The following RPS6KC1 variants were observed in gnomAD, a reference collection of about 807,000 sequenced individuals.
The protein encoded by RPS6KC1 is ribosomal protein S6 kinase C1.
RPS6KC1 carries 54 observed loss-of-function variants against 103.8 expected under a neutral mutation model. The observed-to-expected ratio is 0.52, with a 90% CI of 0.42 to 0.65. RPS6KC1 has a LOEUF of 0.65. Ranked by LOEUF, RPS6KC1 falls within the 30% of genes least tolerant of loss-of-function variation. The pLI is 0.00. For synonymous variants in RPS6KC1, 439 were observed against 438.7 expected (o/e 1.00, Z -0.01); for missense variants, 1,151 against 1,253.8 (o/e 0.92, Z 1.24).
At chr1:213,625,402 T>C in the RPS6KC1 span, among the ~76,000 whole-genome samples, 4 of 149,534 alleles carry the variant, frequency 2.7e-5, no homozygotes, top group Non-Finnish European at 5.9e-5. Flanking sequence ...TTTGCTTTTG[T>C]TTCCCCATTT....
chr1:213,831,375 G>A, the RPS6KC1 span, among the ~76,000 whole-genome samples: 3 of 152,214 alleles, frequency 2.0e-5, no homozygotes, highest in Admixed American at 6.5e-5. Context: ...ATGGAAGCAA[G>A]AGGTTGGAGT....
chr1:213,075,243 C>G (rs4951479), intron 2 of RPS6KC1, among the ~76,000 whole-genome samples: 1 of 152,022 alleles, frequency 6.6e-6, no homozygotes, highest in African/African-American at 2.4e-5. Flanking sequence ...CTTAACCTTA[C>G]GTAATGTCCA....
intron 6 of RPS6KC1, among the ~76,000 whole-genome samples, chr1:213,155,284 C>T (rs1279385898): frequency 6.6e-6 from 1 of 152,128 alleles, no homozygotes; most frequent in Non-Finnish European, 1.5e-5. Context: ...CATGTGTCCT[C>T]CTGTCCACTG....
chr1:213,832,462 G>A, the RPS6KC1 span: 1 of 152,092 alleles, frequency 6.6e-6, no homozygotes, highest in African/African-American at 2.4e-5. Context: ...TGACTGGGGG[G>A]ATTTGATCCA....
the RPS6KC1 span, among the ~76,000 whole-genome samples, chr1:213,523,149 G>T: frequency 6.6e-6 from 1 of 152,172 alleles, no homozygotes; most frequent in Non-Finnish European, 1.5e-5. Context: ...TTTAGGAAAT[G>T]GAGAGTCCCA....
chr1:213,646,899 T>TATATATATATATATATATATATA, the RPS6KC1 span, among the ~76,000 whole-genome samples: 2 of 100,544 alleles, frequency 2.0e-5, no homozygotes, highest in Admixed American at 8.7e-5. Context: ...ATATATATAT[T>TATATATATATATATATATATATA]TTTGTTTGTT....
chr1:213,601,747 C>T, the RPS6KC1 span, among the ~76,000 whole-genome samples: 1 of 151,932 alleles, frequency 6.6e-6, no homozygotes, highest in Non-Finnish European at 1.5e-5. Context: ...CTCTATGATT[C>T]TTTGGTTGTT....
the RPS6KC1 span, among the ~76,000 whole-genome samples, chr1:213,285,861 G>A: frequency 4.6e-5 from 7 of 152,184 alleles, no homozygotes; most frequent in East Asian, 9.6e-4. Context: ...CTTCCACCAT[G>A]TGAGGATGCA....
At chr1:213,682,606 G>T in the RPS6KC1 span, among the ~76,000 whole-genome samples, 2 of 152,190 alleles carry the variant, frequency 1.3e-5, no homozygotes, top group African/African-American at 4.8e-5. Context: ...ATTCCCTGTA[G>T]ATCTGAGATC....
At chr1:213,752,565 A>T in the RPS6KC1 span, among the ~76,000 whole-genome samples, 1 of 152,246 alleles carries the variant, frequency 6.6e-6, no homozygotes, top group African/African-American at 2.4e-5. Context: ...GATGCCAAGA[A>T]CTAGGTATTC....
chr1:213,638,088 G>T, the RPS6KC1 span, among the ~76,000 whole-genome samples: 1 of 152,092 alleles, frequency 6.6e-6, no homozygotes, highest in African/African-American at 2.4e-5. Context: ...CAAAGTGCTA[G>T]AATTACAGGT....
At chr1:213,621,138 T>C in the RPS6KC1 span, among the ~76,000 whole-genome samples, 1 of 152,186 alleles carries the variant, frequency 6.6e-6, no homozygotes, top group African/African-American at 2.4e-5. Context: ...CTGCCCCCAC[T>C]ACTCTCCTGG....
intron 8 of RPS6KC1, among the ~76,000 whole-genome samples, chr1:213,203,338 G>T (rs1205445411): frequency 6.6e-6 from 1 of 152,118 alleles, no homozygotes; most frequent in South Asian, 2.1e-4. Context: ...TCAGATTTGG[G>T]ATGCTCAACC....
intron 8 of RPS6KC1, among the ~76,000 whole-genome samples, chr1:213,199,535 A>G (rs890484749): frequency 6.6e-6 from 1 of 152,180 alleles, no homozygotes. Context: ...CTCACAGCCA[A>G]CCTCGTCCTG....
chr1:213,347,245 A>G, the RPS6KC1 span, among the ~76,000 whole-genome samples: 2 of 152,234 alleles, frequency 1.3e-5, no homozygotes, highest in Non-Finnish European at 2.9e-5. Flanking sequence ...TGGTAATAAG[A>G]TTAATGATTG....
At chr1:213,608,279 G>A in the RPS6KC1 span, among the ~76,000 whole-genome samples, 1 of 152,178 alleles carries the variant, frequency 6.6e-6, no homozygotes, top group Non-Finnish European at 1.5e-5. Flanking sequence ...TGCACCTGAT[G>A]TGCCCAGGTC....
At chr1:213,616,114 G>A in the RPS6KC1 span, among the ~76,000 whole-genome samples, 1 of 152,238 alleles carries the variant, frequency 6.6e-6, no homozygotes, top group African/African-American at 2.4e-5. Flanking sequence ...GGTGCTGTAA[G>A]CAAAGTGCAA....
chr1:213,645,877 A>G, the RPS6KC1 span, among the ~76,000 whole-genome samples: 1 of 152,100 alleles, frequency 6.6e-6, no homozygotes, highest in Admixed American at 6.5e-5. Context: ...CACACCTCCC[A>G]TGATCTTGAA....
the RPS6KC1 span, among the ~76,000 whole-genome samples, chr1:213,285,037 T>G: frequency 6.6e-6 from 1 of 152,248 alleles, no homozygotes; most frequent in Non-Finnish European, 1.5e-5. Context: ...TTTTTCCCTG[T>G]CTTAGTTTGG....
Sources: gnomAD v4.1 joint callset for allele counts (sites outside exome capture counted in the v4.1 genomes callset) on GRCh38, gnomAD v4.1.1 for gene constraint, MANE v1.5 for transcripts, NCBI Gene and HGNC (gene_info 2026-07-23, HGNC 2026-07-21) for gene names.